The following RBFOX2 variants were observed in gnomAD, a reference collection of about 807,000 sequenced individuals.
RBFOX2 encodes RNA binding protein fox-1 homolog 2.
Under a neutral mutation model 49.1 loss-of-function variants are expected in RBFOX2, and 10 were observed. That is an observed-to-expected ratio of 0.20 (90% CI 0.13 to 0.35). The LOEUF is 0.35. Among genes scored for constraint, RBFOX2 ranks in the 10% least tolerant of loss-of-function variants. The pLI is 1.00. For synonymous variants in RBFOX2, 183 were observed against 187.4 expected (o/e 0.98, Z 0.19); for missense variants, 323 against 486.9 (o/e 0.66, Z 3.17).
intron 1 of RBFOX2, among the ~76,000 whole-genome samples, chr22:35,985,899 GATGGATA>G (rs1569518814): frequency 2.3e-5 from 3 of 131,252 alleles, no homozygotes; most frequent in African/African-American, 5.8e-5. Context: ...TAGATAGATA[GATGGATA>G]GATAGATAGA....
intron 2 of RBFOX2, 82 bp downstream of exon 3, chr22:35,809,698 G>T: frequency 7.0e-7 from 1 of 1,425,018 alleles, no homozygotes; most frequent in Non-Finnish European, 9.9e-7. Flanking sequence ...AATTCCGAGA[G>T]TCTTCTAATT....
chr22:35,928,252 G>T (rs552484785), intron 1 of RBFOX2, among the ~76,000 whole-genome samples: 2 of 152,076 alleles, frequency 1.3e-5, no homozygotes, highest in African/African-American at 2.4e-5. Context: ...GTGTCTGTTG[G>T]GGGGGCAGGG....
At chr22:35,859,600 G>GGAA (rs2042899435) in intron 1 of RBFOX2, among the ~76,000 whole-genome samples, 1 of 152,200 alleles carries the variant, frequency 6.6e-6, no homozygotes, top group South Asian at 2.1e-4. Context: ...AGTAAACCAT[G>GGAA]GAATGGCTGA....
intron 10 of RBFOX2, 33 bp from the exon 13 acceptor site, chr22:35,746,028 GA>G: frequency 6.4e-7 from 1 of 1,565,638 alleles, no homozygotes; most frequent in Non-Finnish European, 8.8e-7. Context: ...GACAGATAAA[GA>G]AAAGTGTATG....
Position 35,749,067 on chromosome 22 carries a change from T to A in RBFOX2, c.888-2506A>T, listed in dbSNP as rs1417813782. Among the ~76,000 whole-genome samples, 2 of 152,234 alleles carry A rather than the reference T, an allele frequency of 1.3e-5. No individual in the cohort carries two copies. The highest frequency in any genetic ancestry group is 4.8e-5 in the African/African-American group (2 of 41,462). ...GGTTTAGGAGTAATGTTACTGCTAA[T>A]CAAAACAATTCAAATGGATCAGACT... On this transcript the variant is annotated intron_variant, in intron 9 of 11. Coordinates refer to ENST00000405409, the Ensembl canonical transcript of RBFOX2. The surrounding 1 kb of genome is among the most constrained non-coding windows in gnomAD (Gnocchi z 4.1).
chr22:35,977,761 T>TATATATACAC (rs1259422253), intron 1 of RBFOX2, among the ~76,000 whole-genome samples: 30 of 90,934 alleles, frequency 3.3e-4, no homozygotes, highest in African/African-American at 9.3e-4. Flanking sequence ...TATATATATA[T>TATATATACAC]ACATGCACAC....
At chr22:35,840,290 A>AC in exon 1 of RBFOX2, 9 of 1,591,946 alleles carry the variant, frequency 5.7e-6, no homozygotes, top group Admixed American at 3.4e-5. Flanking sequence ...TTTCTTTTCC[A>AC]CCCCCCTCCC....
rs555304910 is a variant in RBFOX2 at position 35,749,569 on chromosome 22, A to T, written c.888-3008T>A. Among the ~76,000 whole-genome samples the T allele has an allele frequency of 4.5e-4, 68 of 152,272 alleles. No individual in the cohort carries two copies. The highest frequency in any genetic ancestry group is 2.4e-3 in the Admixed American group (36 of 15,284). ...CGAAAGTATTTTTGCTGCTTTATTC[A>T]ACAAAACATATCACAAAATGTGAGA... On this transcript the variant is annotated intron_variant, in intron 9 of 11. Coordinates refer to ENST00000405409, the Ensembl canonical transcript of RBFOX2. The surrounding 1 kb of genome is among the most constrained non-coding windows in gnomAD (Gnocchi z 4.1).
At chr22:35,821,617 A>G (rs959533917) in intron 1 of RBFOX2, among the ~76,000 whole-genome samples, 5 of 137,802 alleles carry the variant, frequency 3.6e-5, no homozygotes, top group African/African-American at 1.7e-4. Flanking sequence ...AAAAAAAAAA[A>G]AAAAAAAAAA....
At chr22:35,808,350 A>G in intron 2 of RBFOX2, among the ~76,000 whole-genome samples, 1 of 152,198 alleles carries the variant, frequency 6.6e-6, no homozygotes, top group Non-Finnish European at 1.5e-5. Flanking sequence ...ACTAATAAAC[A>G]TCGAAAGTAG....
chr22:35,773,681 A>G (rs1232072467), intron 4 of RBFOX2, among the ~76,000 whole-genome samples: 2 of 152,122 alleles, frequency 1.3e-5, no homozygotes, highest in East Asian at 3.8e-4. Context: ...CAACTTCAGC[A>G]TATTCAATAT....
intron 1 of RBFOX2, among the ~76,000 whole-genome samples, chr22:35,880,448 T>G (rs1303951849): frequency 1.3e-5 from 2 of 152,172 alleles, no homozygotes; most frequent in East Asian, 3.9e-4. Flanking sequence ...AGTAGGCAGT[T>G]AGATATGAGC....
upstream of RBFOX2, among the ~76,000 whole-genome samples, chr22:35,939,433 T>C (rs190577925): frequency 1.1e-4 from 17 of 152,276 alleles, no homozygotes; most frequent in African/African-American, 3.9e-4. Flanking sequence ...CTTTTTTATT[T>C]ATTTATTTTT....
Position 35,749,192 on chromosome 22 carries a change from C to G in RBFOX2, c.888-2631G>C, listed in dbSNP as rs1933937540. Among the ~76,000 whole-genome samples, 1 of 152,108 alleles carries G rather than the reference C, an allele frequency of 6.6e-6. No homozygotes were observed. The highest frequency in any genetic ancestry group is 6.5e-5 in the Admixed American group (1 of 15,272). On this transcript the variant is annotated intron_variant, in intron 9 of 11. Transcript: ENST00000405409. This position sits in a 1 kb window ranked among gnomAD's most constrained non-coding sequence, Gnocchi z 4.1. The stretch of plus-strand genomic sequence containing the variant: ...GTCAAGTCTGACTTTGAAGTTTAAA[C>G]ATGATGAAGTTCTCTGCTTTTCAAG...
intron 1 of RBFOX2, among the ~76,000 whole-genome samples, chr22:35,955,590 C>T (rs2055452331): frequency 6.6e-6 from 1 of 152,104 alleles, no homozygotes; most frequent in Non-Finnish European, 1.5e-5. Context: ...AACTGTTCCA[C>T]CTCAAGTCAT....
At chr22:36,028,402 A>AGGCGGCTGC in exon 1 of RBFOX2, 1 of 1,246,886 alleles carries the variant, frequency 8.0e-7, no homozygotes, top group Non-Finnish European at 1.0e-6. Flanking sequence ...GAGGCGGCTG[A>AGGCGGCTGC]TGCGGCTGGG....
chr22:35,941,832 T>C (rs2053718991), upstream of RBFOX2, among the ~76,000 whole-genome samples: 1 of 152,176 alleles, frequency 6.6e-6, no homozygotes, highest in Non-Finnish European at 1.5e-5. Flanking sequence ...TCAGAGGAAA[T>C]GGATTTACTC....
chr22:35,812,236 C>T (rs1424820624), intron 1 of RBFOX2, among the ~76,000 whole-genome samples: 4 of 150,342 alleles, frequency 2.7e-5, no homozygotes, highest in East Asian at 2.0e-4. Flanking sequence ...AACTCTAGCC[C>T]GGGCAACAGA....
At chr22:36,024,718 G>C (rs1407621851) in intron 1 of RBFOX2, among the ~76,000 whole-genome samples, 1 of 151,642 alleles carries the variant, frequency 6.6e-6, no homozygotes, top group Non-Finnish European at 1.5e-5. Context: ...TCCAGCCTGG[G>C]CAACAGTGAG....
Sources: allele counts gnomAD v4.1 joint callset (sites outside exome capture counted in the v4.1 genomes callset), GRCh38; gene constraint gnomAD v4.1.1; non-coding constraint Gnocchi (gnomAD v3.1); transcripts MANE v1.5; gene names NCBI Gene and HGNC (gene_info 2026-07-23, HGNC 2026-07-21).